The following CFAP54 variants were observed in gnomAD, a reference collection of about 807,000 sequenced individuals.
The protein encoded by CFAP54 is cilia and flagella associated protein 54.
CFAP54 carries 290 observed loss-of-function variants against 370.4 expected under a neutral mutation model. The ratio of observed to expected loss-of-function variants is 0.78; its 90% confidence interval spans 0.71 to 0.86. The LOEUF (loss-of-function observed/expected upper bound fraction) is 0.86. CFAP54 is among the 40% of genes least tolerant of loss of function. The probability of loss-of-function intolerance (pLI) is 0.00; values close to 1 mark genes in which losing one functional copy is unlikely to be tolerated. For missense variants in CFAP54, 3,399 were observed against 3,528.7 expected (o/e 0.96, Z 0.93); for synonymous variants, 1,206 against 1,236.5 (o/e 0.98, Z 0.52).
At chr12:96,606,574 T>C (rs1249467770) in intron 26 of CFAP54, among the ~76,000 whole-genome samples, 2 of 152,222 alleles carry the variant, frequency 1.3e-5, no homozygotes, top group Non-Finnish European at 2.9e-5. Context: ...CTATTTGTTT[T>C]AAGGTAAAGA....
chr12:96,839,893 C>T (rs772020333), intron 66 of CFAP54, among the ~76,000 whole-genome samples: 18 of 152,264 alleles, frequency 1.2e-4, no homozygotes, highest in Non-Finnish European at 2.4e-4. Flanking sequence ...GCTGGTTGGG[C>T]CTCCTCACAA....
intron 26 of CFAP54, among the ~76,000 whole-genome samples, chr12:96,617,434 CCTT>C (rs1243515817): frequency 6.6e-6 from 1 of 152,176 alleles, no homozygotes; most frequent in African/African-American, 2.4e-5. Flanking sequence ...AGAGGTCAAT[CCTT>C]CTTCCAAATA....
intron 66 of CFAP54, among the ~76,000 whole-genome samples, chr12:96,841,515 A>G (rs1265249225): frequency 3.3e-5 from 5 of 152,174 alleles, no homozygotes; most frequent in African/African-American, 1.2e-4. Flanking sequence ...GTCTCCTGAC[A>G]GATGTTTTTA....
At chr12:96,630,704 T>C (rs1956598919) in intron 32 of CFAP54, 53 bp downstream of exon 32, 1 of 1,185,170 alleles carries the variant, frequency 8.4e-7, no homozygotes, top group Non-Finnish European at 1.1e-6. Context: ...TAACTATGTG[T>C]TGGGCATTAT....
chr12:96,639,909 G>A (rs1238206098), intron 32 of CFAP54, among the ~76,000 whole-genome samples: 2 of 152,164 alleles, frequency 1.3e-5, no homozygotes, highest in East Asian at 1.9e-4. Context: ...CAATAAATTA[G>A]GTATTGATGG....
rs922658214 is a variant in CFAP54, at chr12:96,581,452, A to G, written c.3075+347A>G. Among the ~76,000 whole-genome samples, 3 of 152,116 alleles carry G rather than the reference A, an allele frequency of 2.0e-5. No individual in the cohort carries two copies. The East Asian group carries it at 5.8e-4, about 29-fold the overall frequency. On this transcript the variant is annotated intron_variant, in intron 22 of 67. Coordinates refer to ENST00000524981, the MANE Select transcript of CFAP54 (RefSeq NM_001306084.2). ...TTCTTACCCTGGGGCAATTTTGTCA[A>G]TGTCTAGAGAAATTTTCAGTTGTCA...
intron 39 of CFAP54, among the ~76,000 whole-genome samples, chr12:96,665,830 A>G (rs1194834805): frequency 1.3e-5 from 2 of 152,110 alleles, no homozygotes; most frequent in Non-Finnish European, 2.9e-5. Context: ...ATGAGTTTTC[A>G]AATAGGTTTT....
intron 26 of CFAP54, among the ~76,000 whole-genome samples, chr12:96,602,280 T>G (rs1956250967): frequency 1.3e-5 from 2 of 152,238 alleles, no homozygotes; most frequent in Non-Finnish European, 2.9e-5. Flanking sequence ...GTGAGTTTCT[T>G]AATCCCGAGT....
At chr12:96,651,851 A>C (rs768482711) in intron 36 of CFAP54, 36 bp downstream of exon 36, 9 of 1,317,780 alleles carry the variant, frequency 6.8e-6, no homozygotes, top group East Asian at 2.5e-5. Flanking sequence ...TATTATATTC[A>C]GTTAAAAATA....
At position 96,684,704 on chromosome 12, in the gene CFAP54, G is replaced by A; in HGVS notation, c.5773G>A (p.Gly1925Arg). Residue 1925 changes from glycine to arginine, a missense_variant, in exon 41 of 68, where the codon GGA becomes AGA. Transcript: ENST00000524981. ...TAAAGTTCAGGCGTTGCATTCACTT[G>A]GAAGTCTTCTCATCTTCGCAGAAAA... Reference protein sequence around the residue: ...SLKVQALHSLGSLLIFAEKKR... With the variant: ...SLKVQALHSLRSLLIFAEKKR... 6.2e-7 allele frequency: 1 copy of A among 1,613,148 alleles called. No homozygotes were observed. Among genetic ancestry groups the A allele is most frequent in the South Asian group, 1.1e-5 (1 of 90,706 alleles).
At chr12:96,742,024 C>T (rs1309639648) in intron 51 of CFAP54, among the ~76,000 whole-genome samples, 1 of 152,056 alleles carries the variant, frequency 6.6e-6, no homozygotes, top group Non-Finnish European at 1.5e-5. Flanking sequence ...ATATACAAAG[C>T]GTGTAGCACA....
At chr12:96,593,580 T>C (rs7966444) in intron 24 of CFAP54, among the ~76,000 whole-genome samples, 68,903 of 151,828 alleles carry the variant, frequency 0.45, 15,957 homozygotes, top group Admixed American at 0.51. Flanking sequence ...AAGACAATTT[T>C]CAAGTACTTC....
intron 19 of CFAP54, among the ~76,000 whole-genome samples, chr12:96,572,195 G>C (rs1221109527): frequency 6.6e-6 from 1 of 152,196 alleles, no homozygotes; most frequent in Non-Finnish European, 1.5e-5. Flanking sequence ...GCCAAGACCA[G>C]TGTTTAGAGG....
At chr12:96,823,507 G>T (rs775145224) in intron 65 of CFAP54, among the ~76,000 whole-genome samples, 25 of 152,152 alleles carry the variant, frequency 1.6e-4, no homozygotes, top group Non-Finnish European at 8.8e-5. Context: ...CTCATATTCA[G>T]GAAACAATAA....
intron 26 of CFAP54, among the ~76,000 whole-genome samples, chr12:96,600,470 C>A (rs1392988758): frequency 6.6e-6 from 1 of 152,140 alleles, no homozygotes; most frequent in Non-Finnish European, 1.5e-5. Context: ...GCTATGTGGA[C>A]TCTTTTTTGG....
At chr12:96,554,625 G>T (rs937703224) in intron 16 of CFAP54, 51 bp from the exon 17 acceptor site, 4 of 1,446,512 alleles carry the variant, frequency 2.8e-6, no homozygotes, top group Admixed American at 4.5e-5. Flanking sequence ...AGCTATTTTT[G>T]TGTGTTTTGA....
chr12:96,712,179 T>C (rs906855109), intron 48 of CFAP54, among the ~76,000 whole-genome samples: 5 of 152,196 alleles, frequency 3.3e-5, no homozygotes, highest in African/African-American at 1.2e-4. Flanking sequence ...CCTACTTATT[T>C]GCTGTTTCCT....
chr12:96,728,199 AT>A (rs1159308692), intron 50 of CFAP54, among the ~76,000 whole-genome samples: 1 of 151,732 alleles, frequency 6.6e-6, no homozygotes, highest in African/African-American at 2.4e-5. Flanking sequence ...CATTCTCTGT[AT>A]TTCCTGAATC....
chr12:96,554,295 C>T lies in CFAP54; in HGVS notation c.2268C>T (p.Asp756=). 2 of 1,523,344 alleles carry T rather than the reference C, an allele frequency of 1.3e-6. No homozygotes were observed. The highest frequency in any genetic ancestry group is 8.8e-7 in the Non-Finnish European group (1 of 1,141,906). 94.4% of individuals were successfully genotyped at this position (1,523,344 alleles called of 1,614,324 possible). ...TGCCAAATGGATCATCAGTAATTGA[C>T]CACTGCTATGCCAAGGTAAGAATGG... The part of the protein sequence containing the change: ...TSLPNGSSVI[D]HCYAKRTHHI... Residue 756 remains aspartate, a synonymous_variant, in exon 16 of 68, where the codon GAC becomes GAT. Transcript: ENST00000524981.
Sources: gnomAD v4.1 joint callset for allele counts (sites outside exome capture counted in the v4.1 genomes callset) on GRCh38, gnomAD v4.1.1 for gene constraint, MANE v1.5 for transcripts, NCBI Gene and HGNC (gene_info 2026-07-23, HGNC 2026-07-21) for gene names.